TTF1: variants seen among roughly 807,000 people sequenced by gnomAD.
The protein encoded by TTF1 is transcription termination factor, RNA polymerase I.
A neutral mutation model predicts 80.2 loss-of-function variants in TTF1; 64 were observed. The observed-to-expected ratio is 0.80, with a 90% confidence interval of 0.65 to 0.98. The LOEUF is 0.98. TTF1 is among the 50% of genes least tolerant of loss of function. The probability of loss-of-function intolerance (pLI) is 0.00; values close to 1 mark genes in which losing one functional copy is unlikely to be tolerated. For synonymous variants in TTF1, 372 were observed against 382.7 expected, an observed-to-expected ratio of 0.97 and a Z score of 0.33; for missense variants, 1,023 against 1,086.2, an observed-to-expected ratio of 0.94 and a Z score of 0.82.
intron 9 of TTF1, among the ~76,000 whole-genome samples, chr9:132,382,938 T>C (rs1403043907): frequency 2.6e-5 from 4 of 151,798 alleles, no homozygotes. Context: ...TGGTGGCAGG[T>C]ACCTGTAATC....
At position 132,379,108 on chromosome 9, in the gene TTF1, A is replaced by G; in HGVS notation, c.2415T>C (p.Ser805=). The G allele has an allele frequency of 6.2e-7, 1 of 1,609,660 alleles. No homozygotes were observed. The highest frequency in any genetic ancestry group is 1.1e-5 in the South Asian group (1 of 89,668). ...VPPSYVQTKF[S]RLKAVYVPFW... is the part of the protein sequence containing the mutation. ...ATGGAACATAGACAGCTTTCAGCCT[A>G]GAAAATTTAGTTTGAACGTAAGATG... is the stretch of plus-strand genomic sequence containing the variant. The change falls in exon 10 of 11, where the codon TCT becomes TCC. Residue 805 remains serine, a synonymous_variant. Coordinates refer to ENST00000334270, the MANE Select transcript of TTF1 (RefSeq NM_007344.4).
chr9:132,375,767 C>T lies in TTF1; in HGVS notation c.*148G>A. 1.7e-6 allele frequency: 1 copy of T among 592,476 alleles called. No individual in the cohort carries two copies. Among genetic ancestry groups the T allele is most frequent in the South Asian group, 2.1e-5 (1 of 48,554 alleles). 36.7% of individuals were successfully genotyped at this position (592,476 alleles called of 1,614,324 possible). On this transcript the variant is annotated 3_prime_UTR_variant, in exon 11 of 11. Coordinates refer to ENST00000334270, the MANE Select transcript of TTF1 (RefSeq NM_007344.4). ...GTGCGATCTTGGCTCACTGCAACCT[C>T]CACCTCCTGGGTTCAAGCAATTCTC... is the stretch of plus-strand genomic sequence containing the variant.
rs538317443 is a variant in TTF1 at position 132,401,398 on chromosome 9, C to A, written c.1367+57G>T. On this transcript the variant is annotated intron_variant, in intron 2 of 10. Transcript: ENST00000334270. Reference sequence around the variant, plus strand: ...AAGTCTGTGCTAAATAAAGAGGTATCGGCAGAATCCATACGAAAGAAATAT... The same window carrying A: ...AAGTCTGTGCTAAATAAAGAGGTATAGGCAGAATCCATACGAAAGAAATAT... 4 of 1,515,286 alleles carry A rather than the reference C, an allele frequency of 2.6e-6. No individual in the cohort carries two copies. In the African/African-American group the frequency reaches 5.6e-5, roughly 21 times the overall value. 93.9% of individuals were successfully genotyped at this position (1,515,286 alleles called of 1,614,324 possible).
chr9:132,398,755 C>T (rs1849703818), intron 3 of TTF1, among the ~76,000 whole-genome samples: 1 of 152,008 alleles, frequency 6.6e-6, no homozygotes, highest in Non-Finnish European at 1.5e-5. Flanking sequence ...TGACACCTGG[C>T]TAATTTTTTA....
chr9:132,401,453 A>G lies in TTF1; in HGVS notation c.1367+2T>C. 1 of 1,601,834 alleles carries G rather than the reference A, an allele frequency of 6.2e-7. No homozygotes were observed. The highest frequency in any genetic ancestry group is 8.5e-7 in the Non-Finnish European group (1 of 1,173,246). ...GCAGCTGGAATACCACTCCCTCGTTACCTTGGCGCCTCTTGCACGTGCTTG... is the reference window on the plus strand; with the variant it reads ...GCAGCTGGAATACCACTCCCTCGTTGCCTTGGCGCCTCTTGCACGTGCTTG... On this transcript the variant is annotated splice_donor_variant, in intron 2 of 10. Transcript: ENST00000334270. LOFTEE classifies it high-confidence loss of function.
At position 132,398,136 on chromosome 9, in the gene TTF1, C is replaced by A; in HGVS notation, c.1777+5G>T. On this transcript the variant is annotated splice_donor_5th_base_variant and intron_variant, in intron 4 of 10. Coordinates refer to ENST00000334270, the MANE Select transcript of TTF1 (RefSeq NM_007344.4). ...TGGTCAAAGGGTGATTGTTTCTAAA[C>A]TTACCAATGTGTAATCTAAACGAGT... The A allele has an allele frequency of 1.1e-5, 18 of 1,570,150 alleles. No homozygotes were observed. Among genetic ancestry groups the A allele is most frequent in the Non-Finnish European group, 1.5e-5 (18 of 1,164,680 alleles).
At chr9:132,379,196 A>G in intron 9 of TTF1, 52 bp from the exon 10 acceptor site, 2 of 1,351,464 alleles carry the variant, frequency 1.5e-6, no homozygotes, top group Non-Finnish European at 2.1e-6. Context: ...AAAATCTATC[A>G]TTTCAATACA....
intron 10 of TTF1, among the ~76,000 whole-genome samples, chr9:132,378,289 GGTGAGTGCATGTGGTGTGT>G (rs1181843354): frequency 9.4e-5 from 10 of 106,910 alleles, no homozygotes; most frequent in South Asian, 3.3e-4. Flanking sequence ...GAATGCATGT[GGTGAGTGCATGTGGTGTGT>G]GTGAGTGCAT....
intron 1 of TTF1, among the ~76,000 whole-genome samples, chr9:132,406,439 T>TA (rs1404018601): frequency 6.6e-6 from 1 of 151,856 alleles, no homozygotes; most frequent in African/African-American, 2.4e-5. Flanking sequence ...CTGTCTCTAC[T>TA]AAAAATACAA....
chr9:132,399,977 T>A (rs1417880406), intron 3 of TTF1, 58 bp downstream of exon 3: 1 of 1,553,176 alleles, frequency 6.4e-7, no homozygotes, highest in Non-Finnish European at 8.9e-7. Flanking sequence ...TAAAAGAAAG[T>A]TAGGTGCTAG....
In TTF1 at chr9:132,379,132, T is replaced by C. The variant is rs1176313326; in HGVS notation, c.2391A>G (p.Pro797=). 6.2e-7 allele frequency: 1 copy of C among 1,605,522 alleles called. No individual in the cohort carries two copies. The highest frequency in any genetic ancestry group is 8.5e-7 in the Non-Finnish European group (1 of 1,177,850). Residue 797 remains proline (P), a synonymous_variant, in exon 10 of 11, where the codon CCA becomes CCG. Coordinates refer to ENST00000334270, the MANE Select transcript of TTF1 (RefSeq NM_007344.4). ...DLASAIGDVP[P]SYVQTKFSRL... ...TAGAAAATTTAGTTTGAACGTAAGATGGAGGAACATCACTTTAGAAAAGGA... is the reference window on the plus strand; with the variant it reads ...TAGAAAATTTAGTTTGAACGTAAGACGGAGGAACATCACTTTAGAAAAGGA...
Position 132,400,259 on chromosome 9 carries a change from C to T in TTF1, c.1368-1G>A. The T allele has an allele frequency of 6.2e-7, 1 of 1,613,920 alleles. No homozygotes were observed. On this transcript the variant is annotated splice_acceptor_variant, in intron 2 of 10. Coordinates refer to ENST00000334270, the MANE Select transcript of TTF1 (RefSeq NM_007344.4). LOFTEE classifies it high-confidence loss of function. ...GTGTTCTTCATTTGCAGGTTCTAAC[C>T]TAAGGGGTTAGAAAATTGGGTTGAC...
At chr9:132,378,296 G>A (rs1457496038) in intron 10 of TTF1, among the ~76,000 whole-genome samples, 1 of 142,678 alleles carries the variant, frequency 7.0e-6, no homozygotes, top group African/African-American at 2.6e-5. Context: ...TGTGGTGAGT[G>A]CATGTGGTGT....
rs572457201 is a variant in TTF1 at position 132,390,888 on chromosome 9, T to C, written c.1988-57A>G. On this transcript the variant is annotated intron_variant, in intron 6 of 10. Coordinates refer to ENST00000334270, the MANE Select transcript of TTF1 (RefSeq NM_007344.4). ...CTAGTCTATTTGCTTTCAAACACAA[T>C]ATTAAAAATGAAATGATAAATCGGG... The C allele has an allele frequency of 2.0e-6, 3 of 1,484,506 alleles. No homozygotes were observed. The Admixed American group carries it at 6.2e-5, about 30-fold the overall frequency. The allele number at this position is 1,484,506 out of a possible 1,614,324, so 92.0% of individuals were successfully genotyped here.
chr9:132,401,502 CTTTT>C lies in TTF1; in HGVS notation c.1316_1319del (p.Gln439ArgfsTer18), dbSNP rs1330604588. ...TGCTTGCCAAACAGGCCTGGGTTTT[CTTTT>C]GTCGGGGCCTAGATTTCACACCTTC... is the stretch of plus-strand genomic sequence containing the variant. On this transcript the variant is annotated frameshift_variant, in exon 2 of 11. Transcript: ENST00000334270. LOFTEE classifies it high-confidence loss of function. 3 of 1,614,062 alleles carry C rather than the reference CTTTT, an allele frequency of 1.9e-6. No homozygotes were observed. In the South Asian group the frequency reaches 3.3e-5, roughly 18 times the overall value.
rs1368208596 is a variant in TTF1 at position 132,390,580 on chromosome 9, G to A, written c.2222+17C>T. 1 of 1,608,694 alleles carries A rather than the reference G, an allele frequency of 6.2e-7. No individual in the cohort carries two copies. The highest frequency in any genetic ancestry group is 8.5e-7 in the Non-Finnish European group (1 of 1,175,202). On this transcript the variant is annotated intron_variant, in intron 7 of 10. Coordinates refer to ENST00000334270, the MANE Select transcript of TTF1 (RefSeq NM_007344.4). ...CAGAAGCTGGAGAGACAGAGAAAGA[G>A]AGAGGGAAGAACTTACCACTTACTT...
intron 7 of TTF1, among the ~76,000 whole-genome samples, chr9:132,388,474 T>C (rs989130183): frequency 1.2e-4 from 18 of 151,922 alleles, no homozygotes; most frequent in African/African-American, 4.3e-4. Context: ...GTAGCTGGGA[T>C]TCCTTACAGG....
At chr9:132,392,288 C>T (rs561347023) in intron 5 of TTF1, 82 bp from the exon 6 acceptor site, 27 of 1,535,548 alleles carry the variant, frequency 1.8e-5, no homozygotes, top group South Asian at 7.3e-5. Flanking sequence ...ACGCAGCAAT[C>T]GTGGGGAAAG....
intron 4 of TTF1, among the ~76,000 whole-genome samples, chr9:132,397,517 C>T (rs542663): frequency 0.7 from 106,945 of 152,086 alleles, 38,893 homozygotes; most frequent in Non-Finnish European, 0.81. Context: ...GACCATGGTG[C>T]GTATAAGGAT....
Sources: allele counts gnomAD v4.1 joint callset (sites outside exome capture counted in the v4.1 genomes callset), GRCh38; gene constraint gnomAD v4.1.1; transcripts MANE v1.5; gene names NCBI Gene and HGNC (gene_info 2026-07-23, HGNC 2026-07-21).